The following TENM2 variants were observed in gnomAD, a reference collection of about 807,000 sequenced individuals.
The protein encoded by TENM2 is teneurin-2.
TENM2 carries 52 observed loss-of-function variants against 245.2 expected under a neutral mutation model. That is an observed-to-expected ratio of 0.21 (90% confidence interval 0.17 to 0.27). The LOEUF (loss-of-function observed/expected upper bound fraction) is 0.27, where lower values mean the gene tolerates loss of function less well. Among genes scored for constraint, TENM2 ranks in the 10% least tolerant of loss-of-function variants. TENM2 has a pLI of 1.00. For missense variants in TENM2, 3,046 were observed against 3,666.8 expected (o/e 0.83, Z 4.37); for synonymous variants, 1,363 against 1,438.9 (o/e 0.95, Z 1.19).
At chr5:168,252,387 G>A (rs1767197360) in intron 27 of TENM2, among the ~76,000 whole-genome samples, 1 of 150,748 alleles carries the variant, frequency 6.6e-6, no homozygotes, top group African/African-American at 2.4e-5. Context: ...AAAAAAGACT[G>A]GGAGACTACC....
intron 12 of TENM2, among the ~76,000 whole-genome samples, chr5:168,161,559 G>A (rs1351520290): frequency 6.6e-6 from 1 of 152,144 alleles, no homozygotes; most frequent in Non-Finnish European, 1.5e-5. Flanking sequence ...ATTCTTGCCA[G>A]CACGTAGGTT....
chr5:167,261,864 GC>G, the TENM2 span, among the ~76,000 whole-genome samples: 4 of 152,068 alleles, frequency 2.6e-5, no homozygotes, highest in African/African-American at 9.7e-5. Context: ...TTGAGCAGAA[GC>G]CATGTACCCT....
intron 2 of TENM2, among the ~76,000 whole-genome samples, chr5:167,632,786 T>C (rs554270106): frequency 2.4e-4 from 37 of 151,888 alleles, no homozygotes; most frequent in Non-Finnish European, 3.5e-4. Context: ...CAACATATCT[T>C]AAAAAAAATA....
chr5:167,414,151 T>C (rs1763046735), intron 2 of TENM2, among the ~76,000 whole-genome samples: 1 of 152,102 alleles, frequency 6.6e-6, no homozygotes, highest in Non-Finnish European at 1.5e-5. Context: ...ATTTTCTCTT[T>C]TAACAGAGGA....
chr5:167,101,835 T>TTA, the TENM2 span, among the ~76,000 whole-genome samples: 9 of 50,852 alleles, frequency 1.8e-4, no homozygotes, highest in Non-Finnish European at 2.7e-4. Flanking sequence ...CTCTTGACAT[T>TTA]TATATATATA....
At chr5:167,651,082 C>G (rs1416236977) in intron 2 of TENM2, among the ~76,000 whole-genome samples, 1 of 151,868 alleles carries the variant, frequency 6.6e-6, no homozygotes, top group African/African-American at 2.4e-5. Context: ...ATCATGTCAT[C>G]CTACTTGAAG....
At chr5:168,197,324 G>A (rs987733208) in intron 15 of TENM2, among the ~76,000 whole-genome samples, 4 of 152,086 alleles carry the variant, frequency 2.6e-5, no homozygotes, top group South Asian at 4.1e-4. Flanking sequence ...TATTTTTACC[G>A]AGTTTTTACT....
At chr5:166,991,193 T>C in the TENM2 span, among the ~76,000 whole-genome samples, 1 of 151,680 alleles carries the variant, frequency 6.6e-6, no homozygotes, top group Non-Finnish European at 1.5e-5. Context: ...TTTCCAAATC[T>C]TCCTTTTCTG....
At chr5:168,034,263 C>G (rs1388940295) in intron 5 of TENM2, among the ~76,000 whole-genome samples, 1 of 148,268 alleles carries the variant, frequency 6.7e-6, no homozygotes, top group East Asian at 2.0e-4. Context: ...GAATGAATCA[C>G]TTGAACCTGG....
intron 2 of TENM2, among the ~76,000 whole-genome samples, chr5:167,508,727 T>C (rs1314479777): frequency 2.6e-5 from 4 of 152,202 alleles, no homozygotes; most frequent in Non-Finnish European, 4.4e-5. Context: ...AAATTTTGTC[T>C]GTTTTACAGA....
chr5:167,830,505 T>C (rs1470198014), intron 2 of TENM2, among the ~76,000 whole-genome samples: 1 of 152,206 alleles, frequency 6.6e-6, no homozygotes, highest in Non-Finnish European at 1.5e-5. Context: ...TGCTTGGTTC[T>C]AGGCCCCTGG....
intron 2 of TENM2, among the ~76,000 whole-genome samples, chr5:167,429,951 G>A (rs1483827915): frequency 2.0e-5 from 3 of 152,074 alleles, no homozygotes; most frequent in Non-Finnish European, 2.9e-5. Flanking sequence ...ATAGCCACAA[G>A]GAAACCTGGG....
At position 168,202,188 on chromosome 5, in the gene TENM2, T is replaced by G. The variant is rs530928652; in HGVS notation, c.3431-1501T>G. On this transcript the variant is annotated intron_variant, in intron 17 of 28. Transcript: ENST00000518659. ...TCATCTATTAGCTGAAATACTTCTA[T>G]ATAGAGATGCTTTCTCCTTAACTAC... Among the ~76,000 whole-genome samples the G allele has an allele frequency of 2.6e-5, 4 of 152,346 alleles. No homozygotes were observed. The South Asian group carries it at 8.3e-4, about 32-fold the overall frequency.
At chr5:167,058,052 C>A in the TENM2 span, among the ~76,000 whole-genome samples, 2 of 152,110 alleles carry the variant, frequency 1.3e-5, no homozygotes, top group African/African-American at 2.4e-5. Flanking sequence ...CCTGAATATA[C>A]CTACAAGTCT....
At chr5:167,216,655 G>A in the TENM2 span, among the ~76,000 whole-genome samples, 1 of 152,340 alleles carries the variant, frequency 6.6e-6, no homozygotes, top group African/African-American at 2.4e-5. Flanking sequence ...GGCCAGGCAT[G>A]ATGGCTTATG....
At chr5:168,166,222 G>A (rs918521408) in intron 13 of TENM2, among the ~76,000 whole-genome samples, 2 of 152,122 alleles carry the variant, frequency 1.3e-5, no homozygotes, top group Non-Finnish European at 2.9e-5. Context: ...GAACATGAAT[G>A]CAGACCCGGG....
chr5:167,250,484 C>T, the TENM2 span, among the ~76,000 whole-genome samples: 61 of 152,064 alleles, frequency 4.0e-4, no homozygotes, highest in African/African-American at 1.4e-3. Context: ...AATTTTTTCA[C>T]GTGGCTAGTA....
At chr5:168,085,994 G>A (rs1323690144) in intron 7 of TENM2, among the ~76,000 whole-genome samples, 5 of 152,204 alleles carry the variant, frequency 3.3e-5, no homozygotes, top group African/African-American at 7.2e-5. Flanking sequence ...TTTCCCATTC[G>A]TGTTGACCCT....
At chr5:167,619,571 A>G (rs1275629377) in intron 2 of TENM2, among the ~76,000 whole-genome samples, 1 of 152,170 alleles carries the variant, frequency 6.6e-6, no homozygotes, top group Non-Finnish European at 1.5e-5. Flanking sequence ...CATCCCCTAC[A>G]TTCCCTCATC....
Sources: allele counts gnomAD v4.1 joint callset (sites outside exome capture counted in the v4.1 genomes callset), GRCh38; gene constraint gnomAD v4.1.1; transcripts MANE v1.5; gene names NCBI Gene and HGNC (gene_info 2026-07-23, HGNC 2026-07-21).